Variants in GARRE1 observed in about 807,000 individuals in gnomAD.
GARRE1 encodes the protein granule associated Rac and RHOG effector 1, also known as granule associated Rac and RHOG effector protein 1.
Under a neutral mutation model 103.2 loss-of-function variants are expected in GARRE1, and 49 were observed. That is an observed-to-expected ratio of 0.47 (90% CI 0.38 to 0.60). The LOEUF (loss-of-function observed/expected upper bound fraction) is 0.60. Ranked by LOEUF, GARRE1 falls within the 20% of genes least tolerant of loss-of-function variation. The pLI, the probability that GARRE1 is intolerant of heterozygous loss-of-function variation, is 0.00. For synonymous variants in GARRE1, 505 were observed against 532.8 expected (o/e 0.95, Z 0.72); for missense variants, 1,199 against 1,370.5 (o/e 0.87, Z 1.98).
intron 12 of GARRE1, among the ~76,000 whole-genome samples, chr19:34,349,385 G>A (rs1374656144): frequency 6.6e-6 from 1 of 152,150 alleles, no homozygotes; most frequent in African/African-American, 2.4e-5. Flanking sequence ...CGGGGTGGCC[G>A]GTGCTGGTCT....
At position 34,352,635 on chromosome 19, in the gene GARRE1, T is replaced by C. The variant is rs1341448822; in HGVS notation, c.2905-12T>C. ...CCCGAAATGCCACTAAGAACTCTCT[T>C]TTGTTTCTCAGGATAACAAAACCAA... On this transcript the variant is annotated splice_polypyrimidine_tract_variant and intron_variant, in intron 13 of 13. Coordinates refer to ENST00000299505, the MANE Select transcript of GARRE1 (RefSeq NM_014686.5). 6.2e-7 allele frequency: 1 copy of C among 1,602,852 alleles called. No homozygotes were observed. The highest frequency in any genetic ancestry group is 8.5e-7 in the Non-Finnish European group (1 of 1,170,896).
intron 1 of GARRE1, among the ~76,000 whole-genome samples, chr19:34,256,214 C>T (rs1184240552): frequency 6.6e-6 from 1 of 150,872 alleles, no homozygotes; most frequent in East Asian, 2.0e-4. Context: ...GTCTCTTTGT[C>T]ATAAAAAAAA....
intron 2 of GARRE1, among the ~76,000 whole-genome samples, chr19:34,311,006 C>T (rs1235996414): frequency 6.6e-6 from 1 of 151,982 alleles, no homozygotes; most frequent in East Asian, 1.9e-4. Flanking sequence ...GCCCCCGCCC[C>T]CCCGCAAGAC....
chr19:34,281,654 A>G (rs1248818581), intron 1 of GARRE1, among the ~76,000 whole-genome samples: 2 of 152,144 alleles, frequency 1.3e-5, no homozygotes, highest in Non-Finnish European at 2.9e-5. Flanking sequence ...TGAACTCTAA[A>G]GCATTCCTCC....
chr19:34,301,513 CAAAAAAA>C (rs57777660), intron 2 of GARRE1, among the ~76,000 whole-genome samples: 3 of 85,402 alleles, frequency 3.5e-5, no homozygotes, highest in East Asian at 5.2e-4. Context: ...GACCATGTCT[CAAAAAAA>C]AAAAAAAAAA....
chr19:34,263,265 G>GAGTT (rs1555778752), intron 1 of GARRE1, among the ~76,000 whole-genome samples: 1 of 149,494 alleles, frequency 6.7e-6, no homozygotes, highest in Admixed American at 6.7e-5. Context: ...TCTCGATAGA[G>GAGTT]AGATAGATAG....
At chr19:34,266,694 G>A (rs1568522376) in intron 1 of GARRE1, among the ~76,000 whole-genome samples, 1 of 152,116 alleles carries the variant, frequency 6.6e-6, no homozygotes, top group Non-Finnish European at 1.5e-5. Flanking sequence ...ATGCAAAATT[G>A]GAGTCAGTGT....
chr19:34,304,522 C>T (rs978666657), intron 2 of GARRE1, among the ~76,000 whole-genome samples: 3 of 151,510 alleles, frequency 2.0e-5, no homozygotes, highest in Admixed American at 1.3e-4. Context: ...ACTGCAGGCA[C>T]GTGCCACCAC....
chr19:34,301,345 G>T (rs143498068), intron 2 of GARRE1, among the ~76,000 whole-genome samples: 1 of 151,822 alleles, frequency 6.6e-6, no homozygotes, highest in East Asian at 1.9e-4. Flanking sequence ...TGTTCAGAGA[G>T]TTAATCTGGC....
chr19:34,286,938 A>T (rs1188570368), intron 1 of GARRE1, among the ~76,000 whole-genome samples: 1 of 152,016 alleles, frequency 6.6e-6, no homozygotes, highest in Non-Finnish European at 1.5e-5. Context: ...AAATTATAGC[A>T]TACATCAGAA....
Position 34,327,868 on chromosome 19 carries a change from T to C in GARRE1, c.942+2T>C. 1 of 1,614,138 alleles carries C rather than the reference T, an allele frequency of 6.2e-7. No homozygotes were observed. The highest frequency in any genetic ancestry group is 8.5e-7 in the Non-Finnish European group (1 of 1,179,950). ...AAGGCGATTGAAGCAAGTTTGCAGG[T>C]ACACTTTTCCTTCCTAAAGCTCTGG... On this transcript the variant is annotated splice_donor_variant, in intron 5 of 13. Coordinates refer to ENST00000299505, the MANE Select transcript of GARRE1 (RefSeq NM_014686.5). LOFTEE classifies it high-confidence loss of function.
chr19:34,342,350 C>A lies in GARRE1; in HGVS notation c.2416C>A (p.Leu806Met). The change falls in exon 10 of 14, where the codon CTG (leucine) becomes ATG (methionine). Residue 806 changes from leucine (L) to methionine (M), a missense_variant. By Grantham distance (15) the Leu-to-Met change is conservative (BLOSUM62 2). Coordinates refer to ENST00000299505, the MANE Select transcript of GARRE1 (RefSeq NM_014686.5). ...SYMDNVMSEVLGQKPQGPRNN... is the reference protein window; with the variant it reads ...SYMDNVMSEVMGQKPQGPRNN... ...TATGGATAATGTGATGTCAGAGGTTCTGGGACAGAAGCCGCAGGGACCTAG... is the reference window on the plus strand; with the variant it reads ...TATGGATAATGTGATGTCAGAGGTTATGGGACAGAAGCCGCAGGGACCTAG... 6.2e-7 allele frequency: 1 copy of A among 1,614,084 alleles called. No homozygotes were observed.
intron 2 of GARRE1, among the ~76,000 whole-genome samples, chr19:34,315,900 G>T (rs1400441320): frequency 6.6e-6 from 1 of 152,150 alleles, no homozygotes; most frequent in Non-Finnish European, 1.5e-5. Flanking sequence ...GGAAGGTAAA[G>T]ATGCACCCTT....
chr19:34,301,102 A>G (rs2073976632), intron 2 of GARRE1, 134 bp downstream of exon 2: 1 of 970,276 alleles, frequency 1.0e-6, no homozygotes. Context: ...CTGTCTTTGT[A>G]AAAAATGTGT....
At chr19:34,292,196 C>G (rs10403142) in intron 1 of GARRE1, among the ~76,000 whole-genome samples, 4,739 of 151,752 alleles carry the variant, frequency 0.031, 245 homozygotes, top group African/African-American at 0.11. Flanking sequence ...ATTGCCTATT[C>G]TAGACATTTC....
rs1263482788 is a variant in GARRE1 at position 34,278,441 on chromosome 19, T to C, written c.-795-21238T>C. Among the ~76,000 whole-genome samples the C allele has an allele frequency of 6.2e-5, 4 of 64,288 alleles. No homozygotes were observed. In the Admixed American group the frequency reaches 7.6e-4, roughly 12 times the overall value. 42.2% of individuals were successfully genotyped at this position (64,288 alleles called of 152,430 possible). On this transcript the variant is annotated intron_variant, in intron 1 of 13. Transcript: ENST00000299505. Reference sequence around the variant, plus strand: ...GCCTGGGTGACAGAGCAAGACTCCATCTCAAAAAAAAAAAAAAAAAAAAAA... The same window carrying C: ...GCCTGGGTGACAGAGCAAGACTCCACCTCAAAAAAAAAAAAAAAAAAAAAA...
At chr19:34,255,639 A>T (rs2073667177) in intron 1 of GARRE1, among the ~76,000 whole-genome samples, 1 of 151,538 alleles carries the variant, frequency 6.6e-6, no homozygotes, top group Non-Finnish European at 1.5e-5. Context: ...TCACAAGATA[A>T]ACAATTCTGC....
chr19:34,346,928 T>G (rs2074214142), intron 10 of GARRE1, among the ~76,000 whole-genome samples: 1 of 151,268 alleles, frequency 6.6e-6, no homozygotes, highest in Non-Finnish European at 1.5e-5. Flanking sequence ...CAGTTTTGTT[T>G]TGTTTTGTTT....
intron 2 of GARRE1, among the ~76,000 whole-genome samples, chr19:34,304,007 C>T (rs1455247492): frequency 2.0e-5 from 3 of 152,076 alleles, no homozygotes; most frequent in East Asian, 1.9e-4. Context: ...GGGGTTTGGC[C>T]GATGGGTTCT....
Sources: gnomAD v4.1 joint callset for allele counts (sites outside exome capture counted in the v4.1 genomes callset) on GRCh38, gnomAD v4.1.1 for gene constraint, MANE v1.5 for transcripts, NCBI Gene and HGNC (gene_info 2026-07-23, HGNC 2026-07-21) for gene names.